Variants in TNFRSF13B observed in about 807,000 individuals in gnomAD.
The protein encoded by TNFRSF13B is TNF receptor superfamily member 13B.
Under a neutral mutation model 24.0 loss-of-function variants are expected in TNFRSF13B, and 34 were observed. The observed-to-expected ratio is 1.41, with a 90% CI of 1.08 to 1.88. The LOEUF (loss-of-function observed/expected upper bound fraction) is 1.88. Ranked by LOEUF, TNFRSF13B falls within the 40% of genes most tolerant of loss-of-function variation. The pLI, the probability that TNFRSF13B is intolerant of heterozygous loss-of-function variation, is 0.00. For missense variants in TNFRSF13B, 415 were observed against 380.8 expected (o/e 1.09, Z -0.75); for synonymous variants, 173 against 150.3 (o/e 1.15, Z -1.10).
rs772365135 is a variant in TNFRSF13B, at chr17:16,940,490, C to T, written c.467G>A (p.Ser156Asn). 25 of 1,613,658 alleles carry T rather than the reference C, an allele frequency of 1.5e-5. No individual in the cohort carries two copies. The highest frequency in any genetic ancestry group is 2.7e-5 in the African/African-American group (2 of 74,936). The change falls in exon 4 of 5, where the codon AGT becomes AAT. Residue 156 changes from serine (S) to asparagine (N), a missense_variant. Physicochemically the swap from Ser to Asn is conservative, Grantham distance 46. Coordinates refer to ENST00000261652, the MANE Select transcript of TNFRSF13B (RefSeq NM_012452.3). ...GTAGACCAGGGCCACCTGATCTGCACTCAGCTTCAGCCCCGGGAGAGCTGC... is the reference window on the plus strand; with the variant it reads ...GTAGACCAGGGCCACCTGATCTGCATTCAGCTTCAGCCCCGGGAGAGCTGC... ...ASPALPGLKLSADQVALVYST... is the reference protein window; with the variant it reads ...ASPALPGLKLNADQVALVYST...
At chr17:16,949,749 G>A (rs1245834222) in intron 2 of TNFRSF13B, among the ~76,000 whole-genome samples, 1 of 150,440 alleles carries the variant, frequency 6.6e-6, no homozygotes, top group Non-Finnish European at 1.5e-5. Flanking sequence ...GCAATGGCAC[G>A]ATCTCGGCTC....
At chr17:16,940,575 C>A in intron 3 of TNFRSF13B, 64 bp from the exon 4 acceptor site, 2 of 1,566,924 alleles carry the variant, frequency 1.3e-6, no homozygotes, top group Admixed American at 3.8e-5. Context: ...TAGGCTCAAG[C>A]AATCCACATC....
intron 3 of TNFRSF13B, chr17:16,941,017 A>G: frequency 2.4e-6 from 2 of 835,984 alleles, no homozygotes; most frequent in Non-Finnish European, 3.0e-6. Flanking sequence ...GCATTTGCAT[A>G]TAACCTATGC....
intron 4 of TNFRSF13B, chr17:16,940,112 C>T: frequency 7.6e-7 from 1 of 1,308,316 alleles, no homozygotes; most frequent in Non-Finnish European, 1.0e-6. Flanking sequence ...AACCTGAAGA[C>T]CGGCACCCCA....
chr17:16,971,893 C>A, intron 1 of TNFRSF13B, 122 bp downstream of exon 1: 2 of 970,646 alleles, frequency 2.1e-6, no homozygotes, highest in Non-Finnish European at 3.3e-6. Flanking sequence ...GCTGGGACTG[C>A]CCCAGTGTGT....
intron 1 of TNFRSF13B, among the ~76,000 whole-genome samples, chr17:16,957,658 C>G (rs1477852741): frequency 6.6e-6 from 1 of 152,122 alleles, no homozygotes; most frequent in East Asian, 1.9e-4. Context: ...GCTGATTTCT[C>G]CTAAGAAACC....
chr17:16,940,167 A>C, intron 4 of TNFRSF13B, 159 bp downstream of exon 4: 3 of 1,514,012 alleles, frequency 2.0e-6, no homozygotes, highest in Non-Finnish European at 2.6e-6. Flanking sequence ...TCTGTCTGCC[A>C]GGATGTCTTA....
At chr17:16,961,606 C>G (rs893576548) in intron 1 of TNFRSF13B, among the ~76,000 whole-genome samples, 9 of 152,084 alleles carry the variant, frequency 5.9e-5, no homozygotes, top group African/African-American at 1.7e-4. Context: ...TAATGGGGTA[C>G]AGAATTTCTT....
At chr17:16,970,892 A>G (rs1277153033) in intron 1 of TNFRSF13B, among the ~76,000 whole-genome samples, 1 of 152,168 alleles carries the variant, frequency 6.6e-6, no homozygotes, top group Non-Finnish European at 1.5e-5. Context: ...GGACACAAAA[A>G]AGGACTGAAG....
At position 16,940,538 on chromosome 17, in the gene TNFRSF13B, T is replaced by C. The variant is rs766956648; in HGVS notation, c.446-27A>G. On this transcript the variant is annotated intron_variant, in intron 3 of 4. Coordinates refer to ENST00000261652, the MANE Select transcript of TNFRSF13B (RefSeq NM_012452.3). Reference sequence around the variant, plus strand: ...TGCAAGACAGCATGAGACCCCTCTCTGCAGTGCCTTCTTCTCTTCCCGTCA... The same window carrying C: ...TGCAAGACAGCATGAGACCCCTCTCCGCAGTGCCTTCTTCTCTTCCCGTCA... 1.3e-5 allele frequency: 21 copies of C among 1,608,378 alleles called. No homozygotes were observed. The East Asian group carries it at 3.6e-4, about 27-fold the overall frequency.
rs141291175 is a variant in TNFRSF13B at position 16,971,592 on chromosome 17, G to C, written c.61+423C>G. Among the ~76,000 whole-genome samples, 239 of 152,270 alleles carry C rather than the reference G, an allele frequency of 1.6e-3. 1 individual carries two copies. The South Asian group carries it at 0.02, about 13-fold the overall frequency. ...TGTTCAGGAATTGTTGTTTCAGCAG[G>C]GGTGAAGGTATGATGCTTAGTTTTT... On this transcript the variant is annotated intron_variant, in intron 1 of 4. Coordinates refer to ENST00000261652, the MANE Select transcript of TNFRSF13B (RefSeq NM_012452.3).
intron 4 of TNFRSF13B, chr17:16,940,051 C>T (rs2087497962): frequency 1.9e-6 from 2 of 1,030,194 alleles, no homozygotes; most frequent in Non-Finnish European, 2.7e-6. Context: ...GACACCTCCT[C>T]CTGGGCTTAG....
intron 1 of TNFRSF13B, among the ~76,000 whole-genome samples, chr17:16,962,975 G>A (rs903244306): frequency 6.6e-5 from 10 of 152,198 alleles, no homozygotes; most frequent in Non-Finnish European, 1.3e-4. Flanking sequence ...AGCAGGGGGA[G>A]TGGACCAGAT....
At chr17:16,941,680 C>T (rs1052127722) in intron 3 of TNFRSF13B, among the ~76,000 whole-genome samples, 1 of 152,196 alleles carries the variant, frequency 6.6e-6, no homozygotes, top group African/African-American at 2.4e-5. Flanking sequence ...TTTAGCACAT[C>T]ACAAGGTTGT....
At chr17:16,964,496 C>CGTG (rs1369749781) in intron 1 of TNFRSF13B, among the ~76,000 whole-genome samples, 2 of 152,016 alleles carry the variant, frequency 1.3e-5, no homozygotes, top group Non-Finnish European at 2.9e-5. Context: ...GTGTGTGCCC[C>CGTG]TACACCCGGC....
At chr17:16,951,603 G>A (rs1281530906) in intron 2 of TNFRSF13B, among the ~76,000 whole-genome samples, 1 of 152,156 alleles carries the variant, frequency 6.6e-6, no homozygotes, top group Non-Finnish European at 1.5e-5. Context: ...AAATACACAA[G>A]GCAGGCTGGG....
intron 1 of TNFRSF13B, among the ~76,000 whole-genome samples, chr17:16,953,657 C>T (rs929183783): frequency 6.6e-6 from 1 of 152,212 alleles, no homozygotes; most frequent in African/African-American, 2.4e-5. Context: ...TACTGTGAAT[C>T]TTCCACTGTG....
At chr17:16,953,778 T>C (rs11650505) in intron 1 of TNFRSF13B, among the ~76,000 whole-genome samples, 11,360 of 152,258 alleles carry the variant, frequency 0.075, 576 homozygotes, top group East Asian at 0.16. Flanking sequence ...TTTGTTCTTT[T>C]TTTTTTCTTA....
At chr17:16,960,267 G>A (rs1410344731) in intron 1 of TNFRSF13B, among the ~76,000 whole-genome samples, 5 of 152,196 alleles carry the variant, frequency 3.3e-5, no homozygotes, top group Admixed American at 3.3e-4. Context: ...TCATGATAAA[G>A]GCCATATTTG....
Sources: allele counts gnomAD v4.1 joint callset (sites outside exome capture counted in the v4.1 genomes callset), GRCh38; gene constraint gnomAD v4.1.1; transcripts MANE v1.5; gene names NCBI Gene and HGNC (gene_info 2026-07-23, HGNC 2026-07-21).